The following DACH2 variants were observed in gnomAD, a reference collection of about 807,000 sequenced individuals.
DACH2 encodes dachshund family transcription factor 2.
In DACH2, 17 loss-of-function variants were observed where a neutral mutation model predicts 35.8. The observed-to-expected ratio is 0.48, with a 90% CI of 0.33 to 0.71. The LOEUF (loss-of-function observed/expected upper bound fraction) is 0.71, where lower values mean the gene tolerates loss of function less well. Among genes scored for constraint, DACH2 ranks in the 30% least tolerant of loss-of-function variants. The pLI is 0.02. For missense variants in DACH2, 469 were observed against 472.7 expected, an observed-to-expected ratio of 0.99 and a Z score of 0.07; for synonymous variants, 195 against 177.3, an observed-to-expected ratio of 1.10 and a Z score of -0.79.
chrX:86,754,179 C>G (rs147158547), intron 7 of DACH2, among the ~76,000 whole-genome samples: 1 of 110,890 alleles, frequency 9.0e-6, no homozygotes, highest in Non-Finnish European at 1.9e-5. Flanking sequence ...AATAAATTAA[C>G]GTAAACATTG....
chrX:86,153,311 A>T (rs188838771), intron 1 of DACH2, among the ~76,000 whole-genome samples: 92 of 111,819 alleles, frequency 8.2e-4, no homozygotes, highest in African/African-American at 2.8e-3. Flanking sequence ...TATAAACAGA[A>T]CATAAATATG....
intron 6 of DACH2, among the ~76,000 whole-genome samples, chrX:86,727,233 G>A (rs1183661324): frequency 3.6e-5 from 4 of 111,186 alleles, no homozygotes; most frequent in Non-Finnish European, 3.8e-5. Flanking sequence ...AGTCACAATG[G>A]CCTTTCCCAA....
chrX:86,706,557 C>A (rs1166703047), intron 5 of DACH2, among the ~76,000 whole-genome samples: 4 of 109,299 alleles, frequency 3.7e-5, no homozygotes, highest in Non-Finnish European at 5.7e-5. Context: ...TTCTTAAATT[C>A]ATGTGGAACA....
intron 1 of DACH2, among the ~76,000 whole-genome samples, chrX:86,370,873 C>G (rs1490133879): frequency 9.0e-6 from 1 of 111,155 alleles, no homozygotes; most frequent in Non-Finnish European, 1.9e-5. Context: ...TAATGGGCAT[C>G]ATGCTTGATG....
intron 7 of DACH2, among the ~76,000 whole-genome samples, chrX:86,786,154 C>A (rs2042135508): frequency 9.0e-6 from 1 of 111,479 alleles, no homozygotes; most frequent in Admixed American, 9.6e-5. Flanking sequence ...AGACAGAAGG[C>A]AGAGTGGAAG....
chrX:86,793,047 CT>C (rs2042202077), intron 7 of DACH2, among the ~76,000 whole-genome samples: 2 of 109,021 alleles, frequency 1.8e-5, no homozygotes, highest in Admixed American at 2.0e-4. Flanking sequence ...ATTTTTTTTT[CT>C]TTTTAACAAT....
At chrX:86,382,404 G>A (rs1006156738) in intron 2 of DACH2, among the ~76,000 whole-genome samples, 2 of 108,155 alleles carry the variant, frequency 1.8e-5, no homozygotes, top group African/African-American at 6.8e-5. Flanking sequence ...GTAGAAAAGG[G>A]AATCAGTAGA....
intron 3 of DACH2, among the ~76,000 whole-genome samples, chrX:86,628,691 G>C (rs890668613): frequency 1.8e-5 from 2 of 112,058 alleles, no homozygotes; most frequent in African/African-American, 6.5e-5. Flanking sequence ...AAGAATCATA[G>C]TAGTTGCTCT....
At chrX:86,291,321 T>G (rs1362906327) in intron 1 of DACH2, among the ~76,000 whole-genome samples, 2 of 93,891 alleles carry the variant, frequency 2.1e-5, no homozygotes, top group East Asian at 7.0e-4. Flanking sequence ...AAGGAGATTT[T>G]GGGCTGAGAC....
chrX:86,176,230 G>A (rs904768554), intron 1 of DACH2, among the ~76,000 whole-genome samples: 1 of 111,141 alleles, frequency 9.0e-6, no homozygotes, highest in Non-Finnish European at 1.9e-5. Context: ...GGCAGTGATG[G>A]TATTTTCAAT....
At chrX:86,806,808 T>C (rs983141554) in intron 7 of DACH2, among the ~76,000 whole-genome samples, 3 of 111,983 alleles carry the variant, frequency 2.7e-5, no homozygotes, top group Non-Finnish European at 5.6e-5. Context: ...GAAATCTAGT[T>C]AACTGTCCTT....
At chrX:86,800,097 C>T (rs2042277503) in intron 7 of DACH2, among the ~76,000 whole-genome samples, 1 of 112,260 alleles carries the variant, frequency 8.9e-6, no homozygotes. Flanking sequence ...GATGATTAAC[C>T]TTTGTATAAT....
chrX:86,169,578 G>T (rs964387724), intron 1 of DACH2, among the ~76,000 whole-genome samples: 2 of 109,877 alleles, frequency 1.8e-5, no homozygotes, highest in Non-Finnish European at 3.8e-5. Flanking sequence ...TCATTGTTTC[G>T]TATTCTCTTT....
At chrX:86,399,543 T>C (rs984685992) in intron 2 of DACH2, among the ~76,000 whole-genome samples, 8 of 112,092 alleles carry the variant, frequency 7.1e-5, no homozygotes, top group Non-Finnish European at 1.3e-4. Context: ...CCATGTTTAG[T>C]GCTTCCTTCA....
rs143752586 is a variant in DACH2 at position 86,605,113 on chromosome X, G to A, written c.641-45923G>A. On this transcript the variant is annotated intron_variant, in intron 3 of 11. Transcript: ENST00000373125. The stretch of plus-strand genomic sequence containing the variant: ...GTTAGACTGCTGGCCTACAGAAACT[G>A]TGAAACAGTAATTTGATTTGAATCA... Among the ~76,000 whole-genome samples, 396 of 112,088 alleles carry A rather than the reference G, an allele frequency of 3.5e-3. 8 individuals carry two copies. Among genetic ancestry groups the A allele is most frequent in the East Asian group, 0.023 (82 of 3,544 alleles).
At chrX:86,512,854 TA>T (rs2038414369) in intron 2 of DACH2, 1 of 323,034 alleles carries the variant, frequency 3.1e-6, no homozygotes, top group African/African-American at 2.6e-5. Context: ...AGCCATAAAA[TA>T]GGGCAAAGGC....
At chrX:86,721,678 A>T (rs2041408459) in intron 6 of DACH2, among the ~76,000 whole-genome samples, 1 of 111,553 alleles carries the variant, frequency 9.0e-6, no homozygotes, top group Non-Finnish European at 1.9e-5. Flanking sequence ...TGTTTACAGC[A>T]GTGCCGCACT....
intron 1 of DACH2, among the ~76,000 whole-genome samples, chrX:86,371,984 C>A (rs2035892924): frequency 9.0e-6 from 1 of 110,950 alleles, no homozygotes; most frequent in Non-Finnish European, 1.9e-5. Context: ...AAAGATATTA[C>A]CTGTGTGAGG....
At chrX:86,234,066 A>T (rs1222459295) in intron 1 of DACH2, among the ~76,000 whole-genome samples, 1 of 112,294 alleles carries the variant, frequency 8.9e-6, no homozygotes, top group Non-Finnish European at 1.9e-5. Flanking sequence ...GTAGGTGTTT[A>T]TGGTTCAGGA....
Sources: allele counts gnomAD v4.1 joint callset (sites outside exome capture counted in the v4.1 genomes callset), GRCh38; gene constraint gnomAD v4.1.1; transcripts MANE v1.5; gene names NCBI Gene and HGNC (gene_info 2026-07-23, HGNC 2026-07-21).